Variants in SLC12A8 observed in about 807,000 individuals in gnomAD.
SLC12A8 encodes cation-chloride cotransporter 9.
SLC12A8 carries 69 observed loss-of-function variants against 75.6 expected under a neutral mutation model. That is an observed-to-expected ratio of 0.91 (90% confidence interval 0.75 to 1.11). The LOEUF is 1.11. Among genes scored for constraint, SLC12A8 ranks in the 50% most tolerant of loss-of-function variants. The pLI, the probability that SLC12A8 is intolerant of heterozygous loss-of-function variation, is 0.00. For missense variants in SLC12A8, 877 were observed against 896.7 expected (o/e 0.98, Z 0.28); for synonymous variants, 365 against 372.8 (o/e 0.98, Z 0.24).
intron 10 of SLC12A8, among the ~76,000 whole-genome samples, chr3:125,102,890 G>C (rs1380516046): frequency 1.3e-5 from 2 of 152,096 alleles, no homozygotes; most frequent in East Asian, 3.9e-4. Flanking sequence ...CCCCAGAGAG[G>C]GTGCTGGCAG....
At chr3:125,117,647 G>A (rs1435285051) in intron 8 of SLC12A8, among the ~76,000 whole-genome samples, 1 of 151,904 alleles carries the variant, frequency 6.6e-6, no homozygotes, top group Non-Finnish European at 1.5e-5. Flanking sequence ...AATATAAGCA[G>A]TGATACTCAG....
chr3:125,192,862 T>C (rs1035262998), intron 2 of SLC12A8, among the ~76,000 whole-genome samples: 5 of 151,880 alleles, frequency 3.3e-5, no homozygotes, highest in Non-Finnish European at 7.4e-5. Context: ...AGAGCGTAGG[T>C]TTGACTCCAA....
intron 10 of SLC12A8, among the ~76,000 whole-genome samples, chr3:125,102,531 G>C (rs74643118): frequency 0.013 from 1,928 of 152,266 alleles, 42 homozygotes; most frequent in African/African-American, 0.044. Flanking sequence ...GCATGAAGGA[G>C]AAATGGGATG....
chr3:125,170,831 C>T (rs1412322248), intron 5 of SLC12A8, among the ~76,000 whole-genome samples: 3 of 152,144 alleles, frequency 2.0e-5, no homozygotes, highest in Non-Finnish European at 2.9e-5. Context: ...AGGAGAATGG[C>T]GTGAACCTGG....
In SLC12A8 at chr3:125,083,894, T is replaced by C. The variant is rs1462342764; in HGVS notation, c.2141A>G (p.Tyr714Cys). The C allele has an allele frequency of 5.0e-6, 8 of 1,612,022 alleles. No homozygotes were observed. Among genetic ancestry groups the C allele is most frequent in the Non-Finnish European group, 6.8e-6 (8 of 1,179,256 alleles). The change falls in exon 14 of 14, where the codon TAC (tyrosine) becomes TGC (cysteine). Residue 714 changes from tyrosine (Y) to cysteine (C), a missense_variant. Tyr to Cys is a radical substitution (Grantham distance 194). Coordinates refer to ENST00000469902, the MANE Select transcript of SLC12A8 (RefSeq NM_024628.6). Reference protein sequence around the residue: ...LVNREQLMPHY With the variant: ...LVNREQLMPHC ...AGGAAGGTCCCAGCACTGCATCTAG[T>C]AGTGAGGCATCAGCTGCTCCCGGTT...
chr3:125,130,084 G>A (rs1933315315), intron 6 of SLC12A8, among the ~76,000 whole-genome samples: 1 of 152,160 alleles, frequency 6.6e-6, no homozygotes, highest in African/African-American at 2.4e-5. Context: ...AGAGGGGTGG[G>A]GCAGAGAGGC....
At chr3:125,088,443 G>A in intron 12 of SLC12A8, 73 bp from the exon 13 acceptor site, 1 of 1,319,824 alleles carries the variant, frequency 7.6e-7, no homozygotes, top group Non-Finnish European at 1.1e-6. Flanking sequence ...GTTTTAATAG[G>A]GTGAATGCAA....
At chr3:125,173,925 T>C (rs2107785862) in intron 5 of SLC12A8, among the ~76,000 whole-genome samples, 1 of 152,218 alleles carries the variant, frequency 6.6e-6, no homozygotes, top group African/African-American at 2.4e-5. Context: ...ACCCCATCTC[T>C]GATAAAAATA....
chr3:125,097,937 G>A (rs555962073), intron 10 of SLC12A8, among the ~76,000 whole-genome samples: 8 of 151,954 alleles, frequency 5.3e-5, no homozygotes, highest in African/African-American at 1.7e-4. Flanking sequence ...AGCATGCATC[G>A]TGCATGTTAA....
chr3:125,176,842 T>C (rs1007576403), intron 5 of SLC12A8, among the ~76,000 whole-genome samples: 15 of 145,068 alleles, frequency 1.0e-4, no homozygotes, highest in African/African-American at 3.8e-4. Context: ...CTAGAGAGGA[T>C]GTGCAGAAAT....
In SLC12A8 at chr3:125,110,348, C is replaced by T. The variant is rs755280245; in HGVS notation, c.913-13G>A. ...CCATGAGGGATACCTGTGTGAGAAG[C>T]GGTTTCATTCGCCAGTGCCAGAACC... On this transcript the variant is annotated splice_polypyrimidine_tract_variant and intron_variant, in intron 8 of 13. Coordinates refer to ENST00000469902, the MANE Select transcript of SLC12A8 (RefSeq NM_024628.6). 1.6e-5 allele frequency: 25 copies of T among 1,605,942 alleles called. No homozygotes were observed. The highest frequency in any genetic ancestry group is 1.3e-4 in the East Asian group (6 of 44,624).
At chr3:125,131,608 A>G (rs1933359782) in intron 6 of SLC12A8, among the ~76,000 whole-genome samples, 2 of 152,106 alleles carry the variant, frequency 1.3e-5, no homozygotes, top group Non-Finnish European at 1.5e-5. Flanking sequence ...GGCTGGTCTC[A>G]AACTCCCGGG....
At chr3:125,184,830 A>G (rs1455855707) in intron 4 of SLC12A8, among the ~76,000 whole-genome samples, 1 of 152,022 alleles carries the variant, frequency 6.6e-6, no homozygotes, top group African/African-American at 2.4e-5. Flanking sequence ...AACAATAGAG[A>G]AAATCACCAA....
chr3:125,132,870 G>A (rs1933394591), intron 6 of SLC12A8, among the ~76,000 whole-genome samples: 1 of 152,218 alleles, frequency 6.6e-6, no homozygotes, highest in Non-Finnish European at 1.5e-5. Flanking sequence ...AGGTGGAGGG[G>A]ATGCACCTAT....
At chr3:125,088,049 A>G in intron 13 of SLC12A8, 2 of 471,484 alleles carry the variant, frequency 4.2e-6, no homozygotes, top group African/African-American at 1.9e-5. Context: ...CAGATTCTAA[A>G]TAAAGCCTCT....
At chr3:125,183,374 G>T (rs1934706290) in intron 4 of SLC12A8, among the ~76,000 whole-genome samples, 1 of 152,004 alleles carries the variant, frequency 6.6e-6, no homozygotes, top group South Asian at 2.1e-4. Context: ...GACACAGTGG[G>T]TGTTGCTCAC....
intron 2 of SLC12A8, chr3:125,206,910 G>A (rs929181924): frequency 6.6e-6 from 1 of 152,246 alleles, no homozygotes; most frequent in Non-Finnish European, 1.5e-5. Flanking sequence ...CGAGGGAATG[G>A]TGCTAAACCA....
intron 5 of SLC12A8, among the ~76,000 whole-genome samples, chr3:125,141,280 C>T (rs890831306): frequency 4.6e-5 from 7 of 152,212 alleles, no homozygotes; most frequent in Non-Finnish European, 7.3e-5. Flanking sequence ...TCTTTCCACC[C>T]GGAATTCGGG....
intron 4 of SLC12A8, among the ~76,000 whole-genome samples, chr3:125,185,020 G>C (rs59434204): frequency 5.3e-5 from 8 of 150,592 alleles, no homozygotes; most frequent in Middle Eastern, 6.9e-3. Context: ...GATAACCTAC[G>C]TGAAGTGGAC....
Sources: allele counts gnomAD v4.1 joint callset (sites outside exome capture counted in the v4.1 genomes callset), GRCh38; gene constraint gnomAD v4.1.1; transcripts MANE v1.5; gene names NCBI Gene and HGNC (gene_info 2026-07-23, HGNC 2026-07-21).